TRIO: variants seen among roughly 807,000 people sequenced by gnomAD.
TRIO encodes the protein trio Rho guanine nucleotide exchange factor, also known as triple functional domain protein.
TRIO carries 58 observed loss-of-function variants against 351.9 expected under a neutral mutation model. That is an observed-to-expected ratio of 0.16 (90% CI 0.13 to 0.21). TRIO has a LOEUF of 0.21. TRIO is among the 10% of genes least tolerant of loss of function. The pLI is 1.00. For missense variants in TRIO, 3,201 were observed against 4,027.8 expected (o/e 0.79, Z 5.56); for synonymous variants, 1,758 against 1,595.7 (o/e 1.10, Z -2.42).
chr5:14,243,184 C>T (rs1794231914), intron 1 of TRIO, among the ~76,000 whole-genome samples: 1 of 152,188 alleles, frequency 6.6e-6, no homozygotes, highest in Non-Finnish European at 1.5e-5. Context: ...TTCTGTGTCC[C>T]CTCTCCGGCT....
chr5:14,191,761 G>C (rs1790471360), intron 1 of TRIO, among the ~76,000 whole-genome samples: 1 of 152,190 alleles, frequency 6.6e-6, no homozygotes, highest in Non-Finnish European at 1.5e-5. Flanking sequence ...AGCCAGTCAG[G>C]AAAATCGCAG....
chr5:14,380,985 A>G, intron 20 of TRIO, 145 bp from the exon 21 acceptor site: 4 of 1,124,516 alleles, frequency 3.6e-6, no homozygotes, highest in Non-Finnish European at 4.9e-6. Context: ...AGTTTTATTT[A>G]AGAAACTTGC....
Position 14,425,651 on chromosome 5 carries a change from C to T in TRIO, c.5203+5630C>T, listed in dbSNP as rs368331808. 5.3e-5 allele frequency among the ~76,000 whole-genome samples: 8 copies of T among 152,216 alleles called. No homozygotes were observed. The East Asian group carries it at 9.7e-4, about 18-fold the overall frequency. ...CAAAATCCGTATGTTGAAATCTAAC[C>T]GCCAATGTGATGGTATTAAGAGGTG... On this transcript the variant is annotated intron_variant, in intron 34 of 56. Transcript: ENST00000344204.
intron 11 of TRIO, among the ~76,000 whole-genome samples, chr5:14,344,121 G>T (rs1404715688): frequency 6.6e-6 from 1 of 152,066 alleles, no homozygotes; most frequent in Non-Finnish European, 1.5e-5. Context: ...TCTGACATGG[G>T]TACAAATGAG....
rs146453151 is a variant in TRIO at position 14,270,866 on chromosome 5, C to T, written c.199C>T (p.Pro67Ser). 263 of 1,613,974 alleles carry T rather than the reference C, an allele frequency of 1.6e-4. No homozygotes were observed. The East Asian group carries it at 5.7e-3, about 35-fold the overall frequency. Residue 67 changes from proline to serine, a missense_variant, in exon 2 of 57, where the codon CCA (proline) becomes TCA (serine). Pro to Ser is a moderately conservative substitution (Grantham distance 74). Transcript: ENST00000344204. ...NDEMKAMDVLPILKEKVAYLS... is the reference protein window; with the variant it reads ...NDEMKAMDVLSILKEKVAYLS... ...TGAAATGAAAGCTATGGATGTTTTACCAATTTTGAAGGAAAAAGTTGCATA... is the reference window on the plus strand; with the variant it reads ...TGAAATGAAAGCTATGGATGTTTTATCAATTTTGAAGGAAAAAGTTGCATA...
At chr5:14,440,196 A>T (rs1751911432) in intron 34 of TRIO, among the ~76,000 whole-genome samples, 1 of 152,238 alleles carries the variant, frequency 6.6e-6, no homozygotes, top group Admixed American at 6.5e-5. Flanking sequence ...ATGTTTTCTT[A>T]AGGTTCAACA....
At chr5:14,188,941 T>C (rs1790299525) in intron 1 of TRIO, among the ~76,000 whole-genome samples, 1 of 152,224 alleles carries the variant, frequency 6.6e-6, no homozygotes, top group South Asian at 2.1e-4. Context: ...TTAACTATGT[T>C]TTTAGCAGTT....
chr5:14,410,155 C>T lies in TRIO; in HGVS notation c.4959+3483C>T, dbSNP rs1579574618. Among the ~76,000 whole-genome samples the T allele has an allele frequency of 2.0e-5, 3 of 152,258 alleles. No homozygotes were observed. In the East Asian group the frequency reaches 5.8e-4, roughly 29 times the overall value. ...GGGTGTCTTACTCCGTTCTGGAGAC[C>T]TGCATTTGGGATTAAACGGCGTATG... On this transcript the variant is annotated intron_variant, in intron 33 of 56. Coordinates refer to ENST00000344204, the MANE Select transcript of TRIO (RefSeq NM_007118.4).
At chr5:14,404,940 C>T (rs1194242787) in intron 31 of TRIO, among the ~76,000 whole-genome samples, 1 of 152,058 alleles carries the variant, frequency 6.6e-6, no homozygotes, top group East Asian at 1.9e-4. Flanking sequence ...GTGACCTCAT[C>T]TACGATGAGT....
chr5:14,501,978 G>A (rs537836472), intron 53 of TRIO, among the ~76,000 whole-genome samples: 50 of 152,182 alleles, frequency 3.3e-4, no homozygotes, highest in Admixed American at 6.5e-4. Context: ...CTGTGGACAT[G>A]TACACAGGGT....
At position 14,336,663 on chromosome 5, in the gene TRIO, G is replaced by A. The variant is rs778437231; in HGVS notation, c.1982G>A (p.Arg661Gln). Residue 661 changes from arginine to glutamine, a missense_variant, in exon 11 of 57, where the codon CGG becomes CAG. Coordinates refer to ENST00000344204, the MANE Select transcript of TRIO (RefSeq NM_007118.4). Reference protein sequence around the residue: ...QLEDRIQDFVRRVEQRKILLD... With the variant: ...QLEDRIQDFVQRVEQRKILLD... ...GAAGACCGGATTCAAGATTTCGTTC[G>A]GCGTGTTGAGCAGCGAAAGATCCTA... The A allele has an allele frequency of 5.6e-6, 9 of 1,614,194 alleles. No individual in the cohort carries two copies. Among genetic ancestry groups the A allele is most frequent in the East Asian group, 4.5e-5 (2 of 44,886 alleles).
intron 1 of TRIO, among the ~76,000 whole-genome samples, chr5:14,185,001 C>G (rs1471441091): frequency 6.6e-6 from 1 of 152,124 alleles, no homozygotes; most frequent in Non-Finnish European, 1.5e-5. Flanking sequence ...TTATTCGGGT[C>G]CATCTCAGTC....
At chr5:14,411,858 C>G (rs560320772) in intron 33 of TRIO, among the ~76,000 whole-genome samples, 1 of 152,274 alleles carries the variant, frequency 6.6e-6, no homozygotes, top group South Asian at 2.1e-4. Context: ...CCTCCCACCT[C>G]AGCCTCTCAA....
chr5:14,157,125 A>G (rs1293450202), intron 1 of TRIO, among the ~76,000 whole-genome samples: 2 of 152,190 alleles, frequency 1.3e-5, no homozygotes, highest in Non-Finnish European at 2.9e-5. Flanking sequence ...ACATTCTACA[A>G]GGAGGAGAAG....
intron 1 of TRIO, among the ~76,000 whole-genome samples, chr5:14,246,685 G>C (rs147744352): frequency 6.6e-6 from 1 of 152,090 alleles, no homozygotes. Flanking sequence ...GTCACCCCTC[G>C]CCTCCTGTTC....
At chr5:14,316,770 A>G (rs765349978) in intron 9 of TRIO, 27 bp downstream of exon 9, 6 of 1,594,854 alleles carry the variant, frequency 3.8e-6, no homozygotes, top group Admixed American at 3.5e-5. Context: ...GCCCTTCTGC[A>G]TGGGAAATGG....
At chr5:14,427,816 G>A (rs1385127901) in intron 34 of TRIO, among the ~76,000 whole-genome samples, 1 of 152,134 alleles carries the variant, frequency 6.6e-6, no homozygotes, top group Non-Finnish European at 1.5e-5. Context: ...TCTGACTTGA[G>A]TTGGATTCAT....
intron 1 of TRIO, among the ~76,000 whole-genome samples, chr5:14,193,197 T>G (rs919127704): frequency 1.3e-5 from 2 of 152,242 alleles, no homozygotes; most frequent in South Asian, 4.1e-4. Flanking sequence ...AGAGTAATAC[T>G]GAAGCAATAT....
Position 14,368,827 on chromosome 5 carries a change from G to C in TRIO, c.2994G>C (p.Gln998His). The change falls in exon 17 of 57, where the codon CAG (glutamine) becomes CAC (histidine). Residue 998 changes from glutamine to histidine, a missense_variant. By Grantham distance (24) the Gln-to-His change is conservative (BLOSUM62 0). Around this residue, in one of 19 missense-constraint regions of TRIO, gnomAD observed 363 missense variants for 553.5 expected, o/e 0.66. Coordinates refer to ENST00000344204, the MANE Select transcript of TRIO (RefSeq NM_007118.4). Reference sequence around the variant, plus strand: ...AGAAGGTGGCGTCTCACTGGCAACAGCTCATGCTCAAGATGGAAGATCGCC... The same window carrying C: ...AGAAGGTGGCGTCTCACTGGCAACACCTCATGCTCAAGATGGAAGATCGCC... The part of the protein sequence containing the change: ...CAEKVASHWQ[Q>H]LMLKMEDRLK... The C allele has an allele frequency of 6.2e-7, 1 of 1,614,156 alleles. No homozygotes were observed. The highest frequency in any genetic ancestry group is 8.5e-7 in the Non-Finnish European group (1 of 1,180,036).
Sources: gnomAD v4.1 joint callset for allele counts (sites outside exome capture counted in the v4.1 genomes callset) on GRCh38, gnomAD v4.1.1 for gene constraint, gnomAD v4.1.1 regional missense constraint, MANE v1.5 for transcripts, NCBI Gene and HGNC (gene_info 2026-07-23, HGNC 2026-07-21) for gene names.